Variants in ENTPD5 observed in about 807,000 individuals in gnomAD.
ENTPD5 encodes the protein ectonucleoside triphosphate diphosphohydrolase 5 (inactive).
A neutral mutation model predicts 60.2 loss-of-function variants in ENTPD5; 49 were observed. The ratio of observed to expected loss-of-function variants is 0.81; its 90% CI spans 0.65 to 1.03. The LOEUF (loss-of-function observed/expected upper bound fraction) is 1.03. Ranked by LOEUF, ENTPD5 falls within the 50% of genes least tolerant of loss-of-function variation. ENTPD5 has a pLI of 0.00. For synonymous variants in ENTPD5, 187 were observed against 185.4 expected (o/e 1.01, Z -0.07); for missense variants, 480 against 507.6 (o/e 0.95, Z 0.52).
intron 2 of ENTPD5, among the ~76,000 whole-genome samples, chr14:74,014,697 C>A (rs1055701692): frequency 1.3e-5 from 2 of 152,120 alleles, no homozygotes; most frequent in African/African-American, 4.8e-5. Context: ...AATGCCCCTG[C>A]AGAGATGTGA....
chr14:73,974,870 G>T, intron 11 of ENTPD5, 54 bp downstream of exon 11: 1 of 1,378,166 alleles, frequency 7.3e-7, no homozygotes, highest in Non-Finnish European at 1.0e-6. Context: ...AGAAGCAAGC[G>T]GAGTATCTGT....
At chr14:73,974,811 C>A in intron 11 of ENTPD5, 113 bp downstream of exon 11, 1 of 852,364 alleles carries the variant, frequency 1.2e-6, no homozygotes, top group Non-Finnish European at 1.9e-6. Flanking sequence ...CATTTGCCTC[C>A]CAATTCAACA....
chr14:73,962,779 T>C (rs2056805963), downstream of ENTPD5: 2 of 612,920 alleles, frequency 3.3e-6, no homozygotes, highest in Non-Finnish European at 2.9e-6. Context: ...ATCACACCAC[T>C]GCACTCCAGC....
intron 6 of ENTPD5, among the ~76,000 whole-genome samples, chr14:73,982,283 C>T (rs2057723300): frequency 6.6e-6 from 1 of 152,048 alleles, no homozygotes; most frequent in Non-Finnish European, 1.5e-5. Flanking sequence ...CCATGTTAGC[C>T]AGGCTGGTCT....
chr14:73,961,411 A>G, downstream of ENTPD5: 1 of 1,613,992 alleles, frequency 6.2e-7, no homozygotes, highest in Non-Finnish European at 8.5e-7. Flanking sequence ...CTCCCTTCTC[A>G]CTTTGCTGCC....
At chr14:73,990,014 AT>A (rs2058070493) in intron 3 of ENTPD5, among the ~76,000 whole-genome samples, 2 of 151,754 alleles carry the variant, frequency 1.3e-5, no homozygotes, top group Admixed American at 1.3e-4. Context: ...CTCAAAAAAA[AT>A]AAATAAATAT....
intron 2 of ENTPD5, among the ~76,000 whole-genome samples, chr14:74,014,383 C>CAA (rs1384605449): frequency 1.8e-5 from 2 of 113,028 alleles, no homozygotes; most frequent in Non-Finnish European, 4.0e-5. Context: ...TCTTTACTCC[C>CAA]CCCCCCCACA....
At chr14:73,982,067 T>C (rs1004535497) in intron 6 of ENTPD5, among the ~76,000 whole-genome samples, 1 of 152,138 alleles carries the variant, frequency 6.6e-6, no homozygotes, top group Non-Finnish European at 1.5e-5. Flanking sequence ...ACCTAAAATA[T>C]ATAATTTTTT....
intron 15 of ENTPD5, among the ~76,000 whole-genome samples, chr14:73,968,942 T>C (rs2057103475): frequency 6.6e-6 from 1 of 152,108 alleles, no homozygotes; most frequent in Non-Finnish European, 1.5e-5. Context: ...GACCTAAGAT[T>C]CAAGAGGCAT....
chr14:73,973,224 G>A (rs1375035627), intron 12 of ENTPD5, among the ~76,000 whole-genome samples, 200 bp from the exon 13 acceptor site: 2 of 152,148 alleles, frequency 1.3e-5, no homozygotes, highest in Non-Finnish European at 1.5e-5. Context: ...CTCCATGGCC[G>A]CTCTCCTGCC....
intron 3 of ENTPD5, among the ~76,000 whole-genome samples, chr14:74,005,444 T>TC (rs755987873): frequency 7.7e-4 from 115 of 150,108 alleles, no homozygotes; most frequent in Non-Finnish European, 1.4e-3. Flanking sequence ...CAAGCAATCC[T>TC]CCACCTTGGC....
chr14:73,994,554 G>A (rs1395953732), intron 3 of ENTPD5, among the ~76,000 whole-genome samples: 1 of 151,882 alleles, frequency 6.6e-6, no homozygotes, highest in Non-Finnish European at 1.5e-5. Context: ...TCAACATGGT[G>A]ACACCCCATC....
At chr14:73,997,649 G>A (rs182626285) in intron 3 of ENTPD5, among the ~76,000 whole-genome samples, 67 of 152,278 alleles carry the variant, frequency 4.4e-4, no homozygotes, top group Non-Finnish European at 2.8e-4. Context: ...GGTCTAATAA[G>A]CTAAGTTCAG....
chr14:73,987,879 C>T lies in ENTPD5; in HGVS notation c.217+7G>A. ...CAGACTCTACTAAGGGTCCCAGTTG[C>T]ACTTACCTGGCATTTTCTGCACAAA... is the stretch of plus-strand genomic sequence containing the variant. On this transcript the variant is annotated splice_region_variant and intron_variant, in intron 4 of 15. Transcript: ENST00000334696. 1 of 1,613,882 alleles carries T rather than the reference C, an allele frequency of 6.2e-7. No homozygotes were observed. The highest frequency in any genetic ancestry group is 8.5e-7 in the Non-Finnish European group (1 of 1,179,920).
At chr14:73,987,237 C>T in intron 4 of ENTPD5, 1 of 681,400 alleles carries the variant, frequency 1.5e-6, no homozygotes, top group Non-Finnish European at 2.7e-6. Context: ...CTCATGTGAT[C>T]CTTCTCCCAA....
chr14:74,017,926 A>G (rs1281050608), intron 1 of ENTPD5, among the ~76,000 whole-genome samples: 2 of 149,656 alleles, frequency 1.3e-5, no homozygotes, highest in Non-Finnish European at 3.0e-5. Flanking sequence ...CCACGCCTGT[A>G]ATCTCAACAC....
At chr14:73,982,421 G>T (rs1213758197) in intron 6 of ENTPD5, among the ~76,000 whole-genome samples, 1 of 151,876 alleles carries the variant, frequency 6.6e-6, no homozygotes, top group East Asian at 1.9e-4. Flanking sequence ...TAATAAAGTT[G>T]ATTAGAAACG....
downstream of ENTPD5, chr14:73,963,023 T>C (rs1290160947): frequency 6.3e-7 from 1 of 1,583,014 alleles, no homozygotes; most frequent in Non-Finnish European, 8.7e-7. Flanking sequence ...AAAGAAAGAT[T>C]ACGTTGATGA....
downstream of ENTPD5, chr14:73,959,955 T>G: frequency 9.0e-7 from 1 of 1,113,700 alleles, no homozygotes; most frequent in South Asian, 2.4e-5. Flanking sequence ...GTCTAGATTA[T>G]GTGGAGGAGT....
Sources: gnomAD v4.1 joint callset for allele counts (sites outside exome capture counted in the v4.1 genomes callset) on GRCh38, gnomAD v4.1.1 for gene constraint, MANE v1.5 for transcripts, NCBI Gene and HGNC (gene_info 2026-07-23, HGNC 2026-07-21) for gene names.